The following CCSER1 variants were observed in gnomAD, a reference collection of about 807,000 sequenced individuals.
CCSER1 encodes serine-rich coiled-coil domain-containing protein 1.
A neutral mutation model predicts 82.0 loss-of-function variants in CCSER1; 41 were observed. That is an observed-to-expected ratio of 0.50 (90% confidence interval 0.39 to 0.65). The LOEUF is 0.65. Among genes scored for constraint, CCSER1 ranks in the 30% least tolerant of loss-of-function variants. CCSER1 has a pLI of 0.00. For synonymous variants in CCSER1, 414 were observed against 383.9 expected (o/e 1.08, Z -0.92); for missense variants, 1,119 against 1,064.2 (o/e 1.05, Z -0.72).
intron 7 of CCSER1, among the ~76,000 whole-genome samples, chr4:90,790,286 A>G (rs1755060125): frequency 6.6e-6 from 1 of 152,182 alleles, no homozygotes; most frequent in Non-Finnish European, 1.5e-5. Context: ...ATATGATTAT[A>G]ATTTTCCATG....
intron 10 of CCSER1, among the ~76,000 whole-genome samples, chr4:91,315,150 AGTGTGTGTGTGTGTGTGTGT>A (rs67135461): frequency 6.7e-6 from 1 of 149,568 alleles, no homozygotes; most frequent in African/African-American, 2.5e-5. Context: ...CGTGTGTGCA[AGTGTGTGTGTGTGTGTGTGT>A]GTGTGTGTGT....
chr4:90,476,902 G>A (rs1012743799), intron 5 of CCSER1, among the ~76,000 whole-genome samples: 4 of 152,228 alleles, frequency 2.6e-5, no homozygotes, highest in Middle Eastern at 3.4e-3. Context: ...GGGACAACCC[G>A]ATAATATGAC....
At chr4:91,039,284 C>G (rs1304222648) in intron 9 of CCSER1, among the ~76,000 whole-genome samples, 3 of 151,736 alleles carry the variant, frequency 2.0e-5, no homozygotes, top group Admixed American at 2.0e-4. Context: ...CTCAAGTGAT[C>G]CTCCCACCTC....
chr4:90,988,029 A>G, intron 9 of CCSER1, among the ~76,000 whole-genome samples: 1 of 151,728 alleles, frequency 6.6e-6, no homozygotes, highest in East Asian at 1.9e-4. Context: ...GTAAAGAATG[A>G]TAAACTACCA....
In CCSER1 at chr4:91,599,274, C is replaced by CT. The variant is rs1764726030; in HGVS notation, c.*219dup. On this transcript the variant is annotated 3_prime_UTR_variant, in exon 11 of 11. Coordinates refer to ENST00000509176, the MANE Select transcript of CCSER1 (RefSeq NM_001145065.2). ...TGTTAATTGAACTAGGTTGCATTGC[C>CT]TTGAAGACTTTACTATATAGGTGTA... The CT allele has an allele frequency of 2.0e-6, 1 of 502,290 alleles. No homozygotes were observed. Among genetic ancestry groups the CT allele is most frequent in the South Asian group, 3.6e-5 (1 of 27,540 alleles). The allele number at this position is 502,290 out of a possible 1,614,324, so 31.1% of individuals were successfully genotyped here. A position where few individuals can be genotyped will look rare whatever the true frequency, so the allele number is the denominator to read the frequency against.
At chr4:90,879,512 A>G (rs145380544) in intron 8 of CCSER1, among the ~76,000 whole-genome samples, 2,124 of 129,114 alleles carry the variant, frequency 0.016, 56 homozygotes, top group African/African-American at 0.069. Flanking sequence ...AAGAAGAAGA[A>G]GAAGAGGAAG....
intron 1 of CCSER1, among the ~76,000 whole-genome samples, chr4:90,245,484 G>T (rs966298431): frequency 6.6e-6 from 1 of 152,038 alleles, no homozygotes. Flanking sequence ...CATTATTGTT[G>T]GGTTGGACTT....
At chr4:90,861,393 A>C (rs1425366728) in intron 8 of CCSER1, among the ~76,000 whole-genome samples, 1 of 151,758 alleles carries the variant, frequency 6.6e-6, no homozygotes, top group Non-Finnish European at 1.5e-5. Flanking sequence ...ATGTATAATG[A>C]TTGATGTCCC....
At chr4:91,424,808 G>A (rs1753881124) in intron 10 of CCSER1, among the ~76,000 whole-genome samples, 1 of 151,986 alleles carries the variant, frequency 6.6e-6, no homozygotes, top group African/African-American at 2.4e-5. Context: ...CCGAGTATAG[G>A]TGATTAATAG....
At chr4:90,852,857 T>G (rs1764045542) in intron 8 of CCSER1, among the ~76,000 whole-genome samples, 2 of 152,172 alleles carry the variant, frequency 1.3e-5, no homozygotes, top group South Asian at 4.1e-4. Context: ...AAAAAGAAAC[T>G]GATATCTTAC....
At chr4:90,283,876 CTT>C (rs1425340127) in intron 1 of CCSER1, among the ~76,000 whole-genome samples, 1 of 151,940 alleles carries the variant, frequency 6.6e-6, no homozygotes, top group African/African-American at 2.4e-5. Flanking sequence ...CATGGTAGCT[CTT>C]TTTTTAGTTT....
chr4:91,517,028 C>T (rs543795975), intron 10 of CCSER1, among the ~76,000 whole-genome samples: 4 of 152,184 alleles, frequency 2.6e-5, no homozygotes, highest in African/African-American at 9.6e-5. Flanking sequence ...TGGAATGGTA[C>T]TGATTTTTGT....
chr4:90,492,650 G>A (rs1768240563), intron 5 of CCSER1, among the ~76,000 whole-genome samples: 2 of 152,108 alleles, frequency 1.3e-5, no homozygotes, highest in African/African-American at 2.4e-5. Context: ...TCTCTTGTGG[G>A]CATTTAGTGC....
At chr4:91,572,418 T>TA (rs1406453294) in intron 10 of CCSER1, among the ~76,000 whole-genome samples, 2 of 151,964 alleles carry the variant, frequency 1.3e-5, no homozygotes, top group Admixed American at 6.6e-5. Context: ...GGGACCCACT[T>TA]AAAAAATCAG....
At chr4:91,054,914 T>C (rs1045269963) in intron 9 of CCSER1, among the ~76,000 whole-genome samples, 1 of 152,158 alleles carries the variant, frequency 6.6e-6, no homozygotes, top group African/African-American at 2.4e-5. Flanking sequence ...TGTAGCTGGA[T>C]TCTGTTTTTC....
chr4:90,933,290 G>T (rs531189906), intron 9 of CCSER1, among the ~76,000 whole-genome samples: 1 of 149,170 alleles, frequency 6.7e-6, no homozygotes, highest in Non-Finnish European at 1.5e-5. Context: ...CGGGTTCACC[G>T]CATTCTCCTG....
At chr4:90,476,127 T>C (rs141293243) in intron 5 of CCSER1, among the ~76,000 whole-genome samples, 4 of 152,098 alleles carry the variant, frequency 2.6e-5, no homozygotes, top group Non-Finnish European at 5.9e-5. Context: ...ATAACCTGGA[T>C]TTATCCCTTT....
intron 9 of CCSER1, among the ~76,000 whole-genome samples, chr4:91,081,399 C>G (rs1016902874): frequency 3.3e-5 from 5 of 152,076 alleles, no homozygotes; most frequent in African/African-American, 1.2e-4. Context: ...ATTAGGTATT[C>G]ATGGGACATA....
intron 1 of CCSER1, among the ~76,000 whole-genome samples, chr4:90,201,532 A>G (rs1737703164): frequency 1.3e-5 from 2 of 149,346 alleles, no homozygotes; most frequent in South Asian, 4.1e-4. Flanking sequence ...ATTAAATTTA[A>G]TATATCTAAA....
Sources: gnomAD v4.1 joint callset for allele counts (sites outside exome capture counted in the v4.1 genomes callset) on GRCh38, gnomAD v4.1.1 for gene constraint, MANE v1.5 for transcripts, NCBI Gene and HGNC (gene_info 2026-07-23, HGNC 2026-07-21) for gene names.